DCLRE1B: variants seen among roughly 807,000 people sequenced by gnomAD.
DCLRE1B encodes the protein 5' exonuclease Apollo.
A neutral mutation model predicts 19.8 loss-of-function variants in DCLRE1B; 6 were observed. That is an observed-to-expected ratio of 0.30 (90% CI 0.17 to 0.60). The LOEUF (loss-of-function observed/expected upper bound fraction) is 0.60, where lower values mean the gene tolerates loss of function less well. DCLRE1B is among the 20% of genes least tolerant of loss of function. The pLI is 0.87. For synonymous variants in DCLRE1B, 258 were observed against 255.7 expected, an observed-to-expected ratio of 1.01 and a Z score of -0.09; for missense variants, 622 against 654.2, an observed-to-expected ratio of 0.95 and a Z score of 0.54.
upstream of DCLRE1B, chr1:113,905,133 G>A (rs531565513): frequency 1.4e-5 from 5 of 352,608 alleles, no homozygotes; most frequent in Non-Finnish European, 2.7e-5. Context: ...CCGCCCCCTT[G>A]TCAAGAGACC....
At chr1:113,907,313 C>T (rs1669071405) in intron 2 of DCLRE1B, 152 bp downstream of exon 2, 1 of 719,240 alleles carries the variant, frequency 1.4e-6, no homozygotes, top group Non-Finnish European at 2.1e-6. Context: ...CCGCTTCAGC[C>T]TCCACAGTAG....
In DCLRE1B at chr1:113,908,157, C is replaced by T; in HGVS notation, c.504C>T (p.Leu168=). ...RQEAAHQIVQ[L]IRKHPQHNIK... is the part of the protein sequence containing the mutation. ...AAGCTGCCCACCAGATTGTCCAGCT[C>T]ATTCGAAAACACCCACAACATAACA... Residue 168 remains leucine, a synonymous_variant, in exon 3 of 4, where the codon CTC becomes CTT. Transcript: ENST00000650450. 1 of 1,614,090 alleles carries T rather than the reference C, an allele frequency of 6.2e-7. No individual in the cohort carries two copies. Among genetic ancestry groups the T allele is most frequent in the Non-Finnish European group, 8.5e-7 (1 of 1,179,998 alleles).
At position 113,912,311 on chromosome 1, in the gene DCLRE1B, T is replaced by C; in HGVS notation, c.*120T>C. 9.6e-7 allele frequency: 1 copy of C among 1,037,354 alleles called. No individual in the cohort carries two copies. Among genetic ancestry groups the C allele is most frequent in the East Asian group, 2.5e-5 (1 of 39,664 alleles). 64.3% of individuals were successfully genotyped at this position (1,037,354 alleles called of 1,614,324 possible). ...TACTTTTCTATCTTTACAAGACTCT[T>C]ATGGGCCCACCGTGGAGCAGCACTT... On this transcript the variant is annotated 3_prime_UTR_variant, in exon 4 of 4. Coordinates refer to ENST00000650450, the MANE Select transcript of DCLRE1B (RefSeq NM_022836.4).
rs1571606949 is a variant in DCLRE1B, at chr1:113,907,216, T to TG, written c.355+55_355+56insG. On this transcript the variant is annotated intron_variant, in intron 2 of 3. Coordinates refer to ENST00000650450, the MANE Select transcript of DCLRE1B (RefSeq NM_022836.4). ...CTCCAGACTAGATGTTTTTTTTTTTTTTTTTTTTTTTTTTTTTTAATGTAT... is the reference window on the plus strand; with the variant it reads ...CTCCAGACTAGATGTTTTTTTTTTTTGTTTTTTTTTTTTTTTTTTAATGTAT... 1.5e-5 allele frequency: 18 copies of TG among 1,174,278 alleles called. 1 individual carries two copies. The highest frequency in any genetic ancestry group is 2.6e-4 in the Middle Eastern group (1 of 3,918). The allele number at this position is 1,174,278 out of a possible 1,614,324, so 72.7% of individuals were successfully genotyped here.
chr1:113,910,047 C>T (rs1669197700), intron 3 of DCLRE1B, among the ~76,000 whole-genome samples: 1 of 152,188 alleles, frequency 6.6e-6, no homozygotes, highest in African/African-American at 2.4e-5. Flanking sequence ...TTACCATAAC[C>T]ATTTCCCAAA....
chr1:113,907,208 T>TTTG, intron 2 of DCLRE1B, 47 bp downstream of exon 2: 1 of 694,066 alleles, frequency 1.4e-6, no homozygotes, highest in Non-Finnish European at 1.8e-6. Flanking sequence ...CTAGATGTTT[T>TTTG]TTTTTTTTTT....
At chr1:113,906,046 CTTTTTTTTTTTTTTTTT>C (rs1159693224) in intron 1 of DCLRE1B, among the ~76,000 whole-genome samples, 3 of 68,108 alleles carry the variant, frequency 4.4e-5, no homozygotes, top group Non-Finnish European at 2.6e-5. Flanking sequence ...CCAAACTTGC[CTTTTTTTTTTTTTTTTT>C]TTTTTTTTTT....
intron 3 of DCLRE1B, among the ~76,000 whole-genome samples, chr1:113,908,573 T>G (rs1031208292): frequency 6.6e-6 from 1 of 152,184 alleles, no homozygotes; most frequent in Non-Finnish European, 1.5e-5. Context: ...TAAGTGCCAT[T>G]GCACTCCAGC....
chr1:113,905,384 C>G lies in DCLRE1B; in HGVS notation c.-203C>G, dbSNP rs1158896853. On this transcript the variant is annotated 5_prime_UTR_variant, in exon 1 of 4. Coordinates refer to ENST00000650450, the MANE Select transcript of DCLRE1B (RefSeq NM_022836.4). ...GCGGTTGGGAGTGTCCAGCGCCCTC[C>G]GCGATTTGGGCTCCAGCGGGCAGGG... 9 of 603,432 alleles carry G rather than the reference C, an allele frequency of 1.5e-5. No homozygotes were observed. The highest frequency in any genetic ancestry group is 2.5e-5 in the Non-Finnish European group (9 of 355,500). The allele number at this position is 603,432 out of a possible 1,614,324, so 37.4% of individuals were successfully genotyped here. A position where few individuals can be genotyped will look rare whatever the true frequency, so the allele number is the denominator to read the frequency against.
chr1:113,907,208 T>A (rs751645948), intron 2 of DCLRE1B, 47 bp downstream of exon 2: 1 of 694,064 alleles, frequency 1.4e-6, no homozygotes, highest in Non-Finnish European at 1.8e-6. Context: ...CTAGATGTTT[T>A]TTTTTTTTTT....
chr1:113,904,889 T>C, upstream of DCLRE1B: 1 of 642,128 alleles, frequency 1.6e-6, no homozygotes, highest in South Asian at 1.6e-5. Context: ...CCTGACACAC[T>C]TCCACGCCCT....
At position 113,907,209 on chromosome 1, in the gene DCLRE1B, T is replaced by TTTTTTG. The variant is rs1553261622; in HGVS notation, c.355+53_355+54insGTTTTT. ...GTGACTTCTCCAGACTAGATGTTTT[T>TTTTTTG]TTTTTTTTTTTTTTTTTTTTTTTTT... On this transcript the variant is annotated intron_variant, in intron 2 of 3. Coordinates refer to ENST00000650450, the MANE Select transcript of DCLRE1B (RefSeq NM_022836.4). The TTTTTTG allele has an allele frequency of 1.4e-5, 10 of 729,416 alleles. No homozygotes were observed. The African/African-American group carries it at 2.2e-4, about 16-fold the overall frequency. The allele number at this position is 729,416 out of a possible 1,614,324, so 45.2% of individuals were successfully genotyped here. A position where few individuals can be genotyped will look rare whatever the true frequency, so the allele number is the denominator to read the frequency against.
chr1:113,907,908 C>T (rs936250967), intron 2 of DCLRE1B, 101 bp from the exon 3 acceptor site: 2 of 1,345,808 alleles, frequency 1.5e-6, no homozygotes, highest in Admixed American at 4.6e-5. Flanking sequence ...AGTTTTTTCA[C>T]AGACTAGTAA....
chr1:113,905,219 C>T (rs1360316535), upstream of DCLRE1B: 2 of 342,298 alleles, frequency 5.8e-6, no homozygotes, highest in South Asian at 3.0e-5. Flanking sequence ...GGATGCCCTT[C>T]CCCCAACCTC....
In DCLRE1B at chr1:113,908,182, A is replaced by G. The variant is rs1260103602; in HGVS notation, c.529A>G (p.Ile177Val). 4 of 1,613,178 alleles carry G rather than the reference A, an allele frequency of 2.5e-6. No homozygotes were observed. Among genetic ancestry groups the G allele is most frequent in the South Asian group, 1.1e-5 (1 of 90,902 alleles). The stretch of plus-strand genomic sequence containing the variant: ...CATTCGAAAACACCCACAACATAAC[A>G]TAAAGATTGGTGAGTTGTTTCCTTT... ...QLIRKHPQHNIKIGLYSLGKE... is the reference protein window; with the variant it reads ...QLIRKHPQHNVKIGLYSLGKE... Residue 177 changes from isoleucine to valine, a missense_variant, in exon 3 of 4, where the codon ATA becomes GTA. Coordinates refer to ENST00000650450, the MANE Select transcript of DCLRE1B (RefSeq NM_022836.4).
upstream of DCLRE1B, chr1:113,904,786 G>T (rs899661838): frequency 3.9e-6 from 5 of 1,293,744 alleles, no homozygotes; most frequent in East Asian, 2.3e-5. Flanking sequence ...TCGTCCTGAT[G>T]TGGGAGCCTG....
chr1:113,907,060 T>C lies in DCLRE1B; in HGVS notation c.254T>C (p.Ile85Thr), dbSNP rs766844807. 11 of 1,613,898 alleles carry C rather than the reference T, an allele frequency of 6.8e-6. No homozygotes were observed. In the East Asian group the frequency reaches 2.0e-4, roughly 29 times the overall value. ...GESHVLPLDE[I>T]GQETMTVTLL... ...AGCCATGTATTACCCCTAGATGAAA[T>C]TGGACAAGAGACCATGACCGTAACC... The change falls in exon 2 of 4, where the codon ATT becomes ACT. Residue 85 changes from isoleucine to threonine, a missense_variant. By Grantham distance (89) the Ile-to-Thr change is moderately conservative. Coordinates refer to ENST00000650450, the MANE Select transcript of DCLRE1B (RefSeq NM_022836.4).
rs201357602 is a variant in DCLRE1B, at chr1:113,911,399, C to T, written c.807C>T (p.His269=). The change falls in exon 4 of 4, where the codon CAC becomes CAT. Residue 269 remains histidine, a synonymous_variant. Coordinates refer to ENST00000650450, the MANE Select transcript of DCLRE1B (RefSeq NM_022836.4). The part of the protein sequence containing the change: ...RKIHSSHPDI[H]VIPYSDHSSY... ...TCCACAGCTCCCACCCTGATATCCA[C>T]GTCATCCCTTACTCTGACCATTCCT... is the stretch of plus-strand genomic sequence containing the variant. 1.2e-4 allele frequency: 187 copies of T among 1,614,208 alleles called. 3 individuals are homozygous for T. The South Asian group carries it at 1.5e-3, about 13-fold the overall frequency.
intron 3 of DCLRE1B, among the ~76,000 whole-genome samples, chr1:113,908,663 C>G (rs371650461): frequency 2.0e-5 from 3 of 152,154 alleles, no homozygotes; most frequent in Non-Finnish European, 4.4e-5. Context: ...CCCACCATCC[C>G]CATTCCCAAC....
Sources: gnomAD v4.1 joint callset for allele counts (sites outside exome capture counted in the v4.1 genomes callset) on GRCh38, gnomAD v4.1.1 for gene constraint, MANE v1.5 for transcripts, NCBI Gene and HGNC (gene_info 2026-07-23, HGNC 2026-07-21) for gene names.